CFTR: variants seen among roughly 807,000 people sequenced by gnomAD.
CFTR encodes the protein cystic fibrosis transmembrane conductance regulator.
Under a neutral mutation model 171.6 loss-of-function variants are expected in CFTR, and 181 were observed. The observed-to-expected ratio is 1.05, with a 90% confidence interval of 0.93 to 1.19. The LOEUF (loss-of-function observed/expected upper bound fraction) is 1.19. Ranked by LOEUF, CFTR falls within the 50% of genes most tolerant of loss-of-function variation. CFTR has a pLI of 0.00. For synonymous variants in CFTR, 583 were observed against 608.0 expected (o/e 0.96, Z 0.60); for missense variants, 1,968 against 1,734.7 (o/e 1.13, Z -2.39).
chr7:117,649,350 A>G (rs962767182), intron 23 of CFTR, among the ~76,000 whole-genome samples: 1 of 149,926 alleles, frequency 6.7e-6, no homozygotes, highest in Non-Finnish European at 1.5e-5. Flanking sequence ...ATATATATCT[A>G]CACACATCTA....
At chr7:117,590,291 A>T in intron 12 of CFTR, 62 bp from the exon 13 acceptor site, 1 of 1,575,006 alleles carries the variant, frequency 6.3e-7, no homozygotes, top group Non-Finnish European at 8.7e-7. Context: ...AAGGCAAATC[A>T]TCTACACTAG....
At chr7:117,659,563 G>A (rs1793233363) in intron 24 of CFTR, among the ~76,000 whole-genome samples, 1 of 152,232 alleles carries the variant, frequency 6.6e-6, no homozygotes, top group South Asian at 2.1e-4. Context: ...TGAGATGTCT[G>A]AGGGCCTTGA....
Position 117,592,094 on chromosome 7 carries a change from A to G in CFTR, c.1927A>G (p.Lys643Glu). Residue 643 changes from lysine (K) to glutamate (E), a missense_variant, in exon 14 of 27, where the codon AAA (lysine) becomes GAA (glutamate). Lys to Glu is a moderately conservative substitution (Grantham distance 56). Transcript: ENST00000003084. ...AAATCTACAGCCAGACTTTAGCTCA[A>G]AACTCATGGGATGTGATTCTTTCGA... ...LQNLQPDFSS[K>E]LMGCDSFDQF... The G allele has an allele frequency of 1.2e-6, 2 of 1,613,992 alleles. No homozygotes were observed. The highest frequency in any genetic ancestry group is 1.7e-6 in the Non-Finnish European group (2 of 1,179,948).
chr7:117,646,776 AG>A (rs1793002057), intron 23 of CFTR, among the ~76,000 whole-genome samples: 1 of 152,098 alleles, frequency 6.6e-6, no homozygotes, highest in South Asian at 2.1e-4. Context: ...AACTTAAGGG[AG>A]GAGAGAAAAA....
intron 19 of CFTR, 105 bp downstream of exon 19, chr7:117,610,774 T>A: frequency 8.4e-7 from 1 of 1,187,086 alleles, no homozygotes; most frequent in East Asian, 2.5e-5. Context: ...TTTAAACTTT[T>A]ACATCATATA....
intron 19 of CFTR, 66 bp downstream of exon 19, chr7:117,610,735 T>G (rs1348497507): frequency 3.2e-6 from 5 of 1,558,552 alleles, no homozygotes. Flanking sequence ...AGATTCTTTA[T>G]TGTTAATCTA....
chr7:117,582,399 A>C (rs904447040), intron 11 of CFTR, among the ~76,000 whole-genome samples: 1 of 152,182 alleles, frequency 6.6e-6, no homozygotes, highest in African/African-American at 2.4e-5. Flanking sequence ...TACAAACATA[A>C]TTCAGATTTC....
Position 117,535,274 on chromosome 7 carries a change from G to T in CFTR, c.606G>T (p.Trp202Cys). ...GACTTGCATTGGCACATTTCGTGTGGATCGCTCCTTTGCAAGTGGCACTCC... is the reference window on the plus strand; with the variant it reads ...GACTTGCATTGGCACATTTCGTGTGTATCGCTCCTTTGCAAGTGGCACTCC... ...DEGLALAHFV[W>C]IAPLQVALLM... Residue 202 changes from tryptophan (W) to cysteine (C), a missense_variant, in exon 6 of 27, where the codon TGG (tryptophan) becomes TGT (cysteine). Coordinates refer to ENST00000003084, the MANE Select transcript of CFTR (RefSeq NM_000492.4). The T allele has an allele frequency of 6.2e-7, 1 of 1,614,052 alleles. No individual in the cohort carries two copies. The highest frequency in any genetic ancestry group is 8.5e-7 in the Non-Finnish European group (1 of 1,179,992).
In CFTR at chr7:117,659,028, GC is replaced by G. The variant is rs749709501; in HGVS notation, c.3964-5657del. Among the ~76,000 whole-genome samples the G allele has an allele frequency of 4.6e-5, 7 of 152,210 alleles. No individual in the cohort carries two copies. The East Asian group carries it at 1.2e-3, about 25-fold the overall frequency. On this transcript the variant is annotated intron_variant, in intron 24 of 26. Coordinates refer to ENST00000003084, the MANE Select transcript of CFTR (RefSeq NM_000492.4). The stretch of plus-strand genomic sequence containing the variant: ...CTTTGTTTGGCTTTCTACACTCACT[GC>G]CCAACTTCCCCTTACTTCCCATGAT...
intron 15 of CFTR, among the ~76,000 whole-genome samples, chr7:117,596,052 G>A (rs537790050): frequency 2.0e-5 from 3 of 152,330 alleles, no homozygotes; most frequent in East Asian, 3.9e-4. Flanking sequence ...CTGGCTGTGC[G>A]TGAGGAGCCC....
chr7:117,500,772 C>T (rs568117520), intron 1 of CFTR, among the ~76,000 whole-genome samples: 29 of 152,158 alleles, frequency 1.9e-4, no homozygotes, highest in African/African-American at 6.5e-4. Flanking sequence ...GTGAATCTTC[C>T]AGGAAATACT....
intron 1 of CFTR, among the ~76,000 whole-genome samples, chr7:117,488,844 G>A (rs566053636): frequency 6.6e-6 from 1 of 152,024 alleles, no homozygotes; most frequent in Admixed American, 6.6e-5. Flanking sequence ...TTCTGAAATC[G>A]AGATGCCTTT....
rs1165773762 is a variant in CFTR at position 117,615,699 on chromosome 7, T to TA, written c.3468+987dup. Among the ~76,000 whole-genome samples the TA allele has an allele frequency of 2.6e-4, 39 of 151,940 alleles. 1 individual carries two copies. The South Asian group carries it at 7.3e-3, about 28-fold the overall frequency. ...TATTATAGTAATGCTTATGTGCTAA[T>TA]ACCATATCAGGGGCACAAATCCCAT... On this transcript the variant is annotated intron_variant, in intron 21 of 26. Coordinates refer to ENST00000003084, the MANE Select transcript of CFTR (RefSeq NM_000492.4).
Position 117,559,623 on chromosome 7 carries a change from A to G in CFTR, c.1552A>G (p.Arg518Gly), listed in dbSNP as rs1562898497. The part of the protein sequence containing the change: ...FGVSYDEYRY[R>G]SVIKACQLEE... ...TGTTTCCTATGATGAATATAGATACAGAAGCGTCATCAAAGCATGCCAACT... is the reference window on the plus strand; with the variant it reads ...TGTTTCCTATGATGAATATAGATACGGAAGCGTCATCAAAGCATGCCAACT... The change falls in exon 11 of 27, where the codon AGA (arginine) becomes GGA (glycine). Residue 518 changes from arginine to glycine, a missense_variant. By Grantham distance (125) the Arg-to-Gly change is moderately radical (BLOSUM62 -2). Coordinates refer to ENST00000003084, the MANE Select transcript of CFTR (RefSeq NM_000492.4). The G allele has an allele frequency of 1.9e-6, 3 of 1,613,364 alleles. No homozygotes were observed. The highest frequency in any genetic ancestry group is 1.7e-5 in the Admixed American group (1 of 59,994).
At chr7:117,627,022 T>C (rs1480890952) in intron 21 of CFTR, among the ~76,000 whole-genome samples, 1 of 152,144 alleles carries the variant, frequency 6.6e-6, no homozygotes, top group Non-Finnish European at 1.5e-5. Context: ...TTAAATTGTT[T>C]AAAGATTATA....
chr7:117,627,993 C>T (rs997603234), intron 22 of CFTR: 1 of 453,462 alleles, frequency 2.2e-6, no homozygotes, highest in Non-Finnish European at 3.9e-6. Context: ...TGTGATTGTA[C>T]TTGCAGAATA....
intron 6 of CFTR, among the ~76,000 whole-genome samples, chr7:117,535,662 G>T (rs1798941907): frequency 6.6e-6 from 1 of 151,390 alleles, no homozygotes; most frequent in African/African-American, 2.4e-5. Context: ...AGCCTCCGGA[G>T]TAGCTGGGAT....
intron 9 of CFTR, among the ~76,000 whole-genome samples, chr7:117,544,969 G>A (rs1364694403): frequency 6.6e-6 from 1 of 152,234 alleles, no homozygotes; most frequent in Non-Finnish European, 1.5e-5. Context: ...CTTAAGTGAT[G>A]ATGGGCCAGT....
chr7:117,555,033 T>G (rs1799329889), intron 10 of CFTR, among the ~76,000 whole-genome samples: 1 of 152,192 alleles, frequency 6.6e-6, no homozygotes, highest in Non-Finnish European at 1.5e-5. Context: ...ATGGGTCCAC[T>G]TATTTGTGAA....
Sources: allele counts gnomAD v4.1 joint callset (sites outside exome capture counted in the v4.1 genomes callset), GRCh38; gene constraint gnomAD v4.1.1; transcripts MANE v1.5; gene names NCBI Gene and HGNC (gene_info 2026-07-23, HGNC 2026-07-21).